Variants in NRG3 observed in about 807,000 individuals in gnomAD.
The protein encoded by NRG3 is pro-neuregulin-3, membrane-bound isoform.
A neutral mutation model predicts 66.9 loss-of-function variants in NRG3; 31 were observed. The ratio of observed to expected loss-of-function variants is 0.46; its 90% CI spans 0.35 to 0.63. NRG3 has a LOEUF of 0.63. Ranked by LOEUF, NRG3 falls within the 20% of genes least tolerant of loss-of-function variation. NRG3 has a pLI of 0.00. For synonymous variants in NRG3, 393 were observed against 359.4 expected, an observed-to-expected ratio of 1.09 and a Z score of -1.06; for missense variants, 910 against 878.9, an observed-to-expected ratio of 1.04 and a Z score of -0.45.
chr10:81,931,129 A>G (rs1334844124), intron 1 of NRG3, among the ~76,000 whole-genome samples: 1 of 152,196 alleles, frequency 6.6e-6, no homozygotes, highest in East Asian at 1.9e-4. Context: ...TTGATTAAAC[A>G]TTGGCCCCAT....
intron 2 of NRG3, among the ~76,000 whole-genome samples, chr10:82,535,564 A>G (rs1026870376): frequency 2.6e-5 from 4 of 152,322 alleles, no homozygotes; most frequent in African/African-American, 4.8e-5. Flanking sequence ...GACTGCCGCT[A>G]GAGAAAAACT....
intron 1 of NRG3, among the ~76,000 whole-genome samples, chr10:82,328,881 G>C (rs2082000080): frequency 6.6e-6 from 1 of 152,172 alleles, no homozygotes; most frequent in African/African-American, 2.4e-5. Flanking sequence ...CCTGAAGTTT[G>C]CCTCATCCAT....
At chr10:82,675,975 G>A (rs1051607406) in intron 2 of NRG3, among the ~76,000 whole-genome samples, 2 of 152,024 alleles carry the variant, frequency 1.3e-5, no homozygotes, top group Non-Finnish European at 2.9e-5. Context: ...ATATTCACAC[G>A]ATGTTTCTGT....
Position 82,648,968 on chromosome 10 carries a change from A to G in NRG3, c.954-89609A>G, listed in dbSNP as rs539937998. ...TCAATAAATTAGGTATTGATGGGAC[A>G]TATCTCAAAATAATAAGAGCTATCT... On this transcript the variant is annotated intron_variant, in intron 2 of 8. Transcript: ENST00000372141. Among the ~76,000 whole-genome samples the G allele has an allele frequency of 3.2e-4, 49 of 152,280 alleles. 1 individual carries two copies. The South Asian group carries it at 0.01, about 32-fold the overall frequency.
At chr10:82,843,505 AC>A (rs1324081067) in intron 3 of NRG3, among the ~76,000 whole-genome samples, 3 of 152,206 alleles carry the variant, frequency 2.0e-5, no homozygotes, top group African/African-American at 7.2e-5. Flanking sequence ...TACAAAACAG[AC>A]TAATACAGTA....
intron 1 of NRG3, among the ~76,000 whole-genome samples, chr10:82,053,612 A>G (rs1484506940): frequency 7.2e-6 from 1 of 139,206 alleles, no homozygotes; most frequent in East Asian, 1.9e-4. Context: ...TCAGGAGAGC[A>G]TGAGTTTTTA....
chr10:82,018,357 G>A (rs1336388821), intron 1 of NRG3, among the ~76,000 whole-genome samples: 1 of 152,154 alleles, frequency 6.6e-6, no homozygotes, highest in Non-Finnish European at 1.5e-5. Flanking sequence ...ATAGTTTGAA[G>A]TCAGGTAGTG....
Position 82,408,061 on chromosome 10 carries a change from G to GAGAGAGCA in NRG3, c.953+49199_953+49200insCAAGAGAG, listed in dbSNP as rs1268181791. Among the ~76,000 whole-genome samples, 2 of 118,668 alleles carry GAGAGAGCA rather than the reference G, an allele frequency of 1.7e-5. 1 individual carries two copies. Among genetic ancestry groups the GAGAGAGCA allele is most frequent in the African/African-American group, 7.5e-5 (2 of 26,798 alleles). 77.9% of individuals were successfully genotyped at this position (118,668 alleles called of 152,430 possible). A position where few individuals can be genotyped will look rare whatever the true frequency, so the allele number is the denominator to read the frequency against. ...AAGACTACATCGAGAGAGAGAGAGAGAGAGAGAGAGAGAGAGAGAGAGACA... is the reference window on the plus strand; with the variant it reads ...AAGACTACATCGAGAGAGAGAGAGAGAGAGAGCAAGAGAGAGAGAGAGAGAGAGAGACA... On this transcript the variant is annotated intron_variant, in intron 2 of 8. Transcript: ENST00000372141.
intron 1 of NRG3, among the ~76,000 whole-genome samples, chr10:82,069,642 G>A (rs538186898): frequency 2.6e-5 from 4 of 152,240 alleles, no homozygotes; most frequent in South Asian, 2.1e-4. Context: ...ATTTGAATTC[G>A]TATTTATTTT....
intron 4 of NRG3, among the ~76,000 whole-genome samples, chr10:82,883,162 CT>C (rs1355033053): frequency 6.6e-6 from 1 of 151,920 alleles, no homozygotes; most frequent in Non-Finnish European, 1.5e-5. Flanking sequence ...GAAGGCATGC[CT>C]TTTTTTCTTG....
At chr10:82,695,667 T>C (rs1358145075) in intron 2 of NRG3, among the ~76,000 whole-genome samples, 6 of 152,180 alleles carry the variant, frequency 3.9e-5, no homozygotes, top group Admixed American at 1.3e-4. Context: ...TTATGTTATA[T>C]AAATTTATAG....
chr10:82,910,349 C>T (rs1369819690), intron 4 of NRG3, among the ~76,000 whole-genome samples: 1 of 152,172 alleles, frequency 6.6e-6, no homozygotes, highest in African/African-American at 2.4e-5. Context: ...CTGACTACAG[C>T]TAATGAACAG....
chr10:82,349,649 C>A lies in NRG3; in HGVS notation c.824-9090C>A, dbSNP rs982094063. On this transcript the variant is annotated intron_variant, in intron 1 of 8. Coordinates refer to ENST00000372141, the MANE Select transcript of NRG3 (RefSeq NM_001010848.4). ...CTAAGCAAGCCTGGGCAATGGCGGG[C>A]GCCCCTCCCCCAACCTCGCTGCCGC... Among the ~76,000 whole-genome samples the A allele has an allele frequency of 5.1e-3, 772 of 151,496 alleles. 2 individuals are homozygous for A. Among genetic ancestry groups the A allele is most frequent in the African/African-American group, 0.016 (646 of 41,362 alleles).
intron 1 of NRG3, among the ~76,000 whole-genome samples, chr10:81,975,377 T>C (rs61862905): frequency 2.8e-5 from 4 of 145,412 alleles, no homozygotes; most frequent in South Asian, 2.2e-4. Context: ...ATCTATCTAT[T>C]CATCCATCCA....
chr10:82,774,005 A>T (rs2059807937), intron 3 of NRG3, among the ~76,000 whole-genome samples: 1 of 152,198 alleles, frequency 6.6e-6, no homozygotes, highest in Admixed American at 6.5e-5. Flanking sequence ...TATCACAGTG[A>T]CTGATTTGCA....
At chr10:82,068,974 T>G (rs942067512) in intron 1 of NRG3, among the ~76,000 whole-genome samples, 1 of 152,216 alleles carries the variant, frequency 6.6e-6, no homozygotes, top group Non-Finnish European at 1.5e-5. Context: ...ACAAGAATTG[T>G]ATTTGAGTTA....
intron 1 of NRG3, among the ~76,000 whole-genome samples, chr10:82,014,982 A>T (rs2061723066): frequency 6.6e-6 from 1 of 152,164 alleles, no homozygotes; most frequent in Non-Finnish European, 1.5e-5. Flanking sequence ...TTCTGCAGTA[A>T]GCTTTCTGGG....
chr10:82,633,193 T>C (rs1176523219), intron 2 of NRG3, among the ~76,000 whole-genome samples: 1 of 152,202 alleles, frequency 6.6e-6, no homozygotes, highest in Non-Finnish European at 1.5e-5. Context: ...CTTTTCCTTA[T>C]AGTGCATTTG....
intron 1 of NRG3, among the ~76,000 whole-genome samples, chr10:81,905,693 C>T (rs1008169657): frequency 2.0e-5 from 3 of 152,166 alleles, no homozygotes; most frequent in Non-Finnish European, 4.4e-5. Flanking sequence ...CCATTACTGG[C>T]AATCAGCATG....
Sources: gnomAD v4.1 joint callset for allele counts (sites outside exome capture counted in the v4.1 genomes callset) on GRCh38, gnomAD v4.1.1 for gene constraint, MANE v1.5 for transcripts, NCBI Gene and HGNC (gene_info 2026-07-23, HGNC 2026-07-21) for gene names.